STAM2: variants seen among roughly 807,000 people sequenced by gnomAD.
STAM2 encodes the protein signal transducing adapter molecule 2.
STAM2 carries 51 observed loss-of-function variants against 65.6 expected under a neutral mutation model. The ratio of observed to expected loss-of-function variants is 0.78; its 90% CI spans 0.62 to 0.98. STAM2 has a LOEUF of 0.98. Among genes scored for constraint, STAM2 ranks in the 50% least tolerant of loss-of-function variants. The probability of loss-of-function intolerance (pLI) is 0.00; values close to 1 mark genes in which losing one functional copy is unlikely to be tolerated. For synonymous variants in STAM2, 198 were observed against 208.4 expected, an observed-to-expected ratio of 0.95 and a Z score of 0.43; for missense variants, 584 against 617.8, an observed-to-expected ratio of 0.95 and a Z score of 0.58.
At chr2:152,128,471 C>A (rs886260102) in intron 11 of STAM2, among the ~76,000 whole-genome samples, 4 of 151,532 alleles carry the variant, frequency 2.6e-5, no homozygotes, top group African/African-American at 9.7e-5. Context: ...AAATTAGTGC[C>A]ATGCTAACAA....
At chr2:152,149,402 A>T (rs1475335784) in intron 2 of STAM2, among the ~76,000 whole-genome samples, 1 of 152,036 alleles carries the variant, frequency 6.6e-6, no homozygotes, top group African/African-American at 2.4e-5. Context: ...TGACCCTTTA[A>T]CTACATGAAA....
intron 11 of STAM2, among the ~76,000 whole-genome samples, chr2:152,129,614 T>C (rs1689021719): frequency 6.6e-6 from 1 of 152,208 alleles, no homozygotes; most frequent in East Asian, 1.9e-4. Context: ...GTAGAATGTG[T>C]GGACATACAC....
At chr2:152,162,876 C>T (rs192997598) in intron 1 of STAM2, among the ~76,000 whole-genome samples, 1 of 151,542 alleles carries the variant, frequency 6.6e-6, no homozygotes, top group Non-Finnish European at 1.5e-5. Flanking sequence ...ACACTGGTTT[C>T]GAACTCCTCC....
chr2:152,129,210 C>T (rs957175396), intron 11 of STAM2, among the ~76,000 whole-genome samples: 5 of 152,092 alleles, frequency 3.3e-5, no homozygotes, highest in African/African-American at 4.8e-5. Context: ...GTGGTGCAAC[C>T]GTGGCTCACT....
chr2:152,138,635 C>T (rs1162266319), intron 7 of STAM2, among the ~76,000 whole-genome samples: 1 of 152,136 alleles, frequency 6.6e-6, no homozygotes, highest in Non-Finnish European at 1.5e-5. Context: ...TATGAAACAT[C>T]ATTTCATTTA....
chr2:152,135,555 GA>G lies in STAM2; in HGVS notation c.752del (p.Phe251SerfsTer6). 1 of 1,612,768 alleles carries G rather than the reference GA, an allele frequency of 6.2e-7. No homozygotes were observed. The highest frequency in any genetic ancestry group is 8.5e-7 in the Non-Finnish European group (1 of 1,179,500). On this transcript the variant is annotated frameshift_variant, in exon 8 of 14. Transcript: ENST00000263904. LOFTEE classifies it high-confidence loss of function. The part of the protein sequence containing the change: ...KGENHRGIGL[F>X]PSNFVTTNLN... Reference sequence around the variant, plus strand: ...AATTAGTTGTTACAAAATTGGATGGGAAAAGTCCTATTCCTCTGTGATTTTC... The same window carrying G: ...AATTAGTTGTTACAAAATTGGATGGGAAAGTCCTATTCCTCTGTGATTTTC...
At chr2:152,134,348 T>C (rs1029254253) in intron 8 of STAM2, among the ~76,000 whole-genome samples, 1 of 152,198 alleles carries the variant, frequency 6.6e-6, no homozygotes, top group Non-Finnish European at 1.5e-5. Context: ...TAGAATCCCC[T>C]GAGCATGATC....
chr2:152,120,280 G>T lies in STAM2; in HGVS notation c.*294C>A. 1 of 368,724 alleles carries T rather than the reference G, an allele frequency of 2.7e-6. No homozygotes were observed. The allele number at this position is 368,724 out of a possible 1,614,324, so 22.8% of individuals were successfully genotyped here. A position where few individuals can be genotyped will look rare whatever the true frequency, so the allele number is the denominator to read the frequency against. The stretch of plus-strand genomic sequence containing the variant: ...AAGTATCTCATACTGTTTGTCATAA[G>T]GCTACTTAATGAGTATCTAGATTTA... On this transcript the variant is annotated 3_prime_UTR_variant, in exon 14 of 14. Transcript: ENST00000263904.
At chr2:152,132,234 T>C (rs1331161590) in intron 10 of STAM2, 66 bp from the exon 11 acceptor site, 1 of 1,201,874 alleles carries the variant, frequency 8.3e-7, no homozygotes, top group Non-Finnish European at 1.2e-6. Flanking sequence ...TCAACAATTT[T>C]TAACAATATA....
At chr2:152,125,248 T>G (rs1688944209) in intron 12 of STAM2, among the ~76,000 whole-genome samples, 1 of 152,196 alleles carries the variant, frequency 6.6e-6, no homozygotes, top group Non-Finnish European at 1.5e-5. Context: ...GAAAAATCTT[T>G]CCTACCCTCC....
At chr2:152,166,861 T>C (rs1237739740) in intron 1 of STAM2, among the ~76,000 whole-genome samples, 1 of 152,168 alleles carries the variant, frequency 6.6e-6, no homozygotes, top group African/African-American at 2.4e-5. Context: ...AAAAAACTTT[T>C]AGTACAAATG....
intron 7 of STAM2, among the ~76,000 whole-genome samples, chr2:152,143,260 T>C (rs1328520286): frequency 1.3e-5 from 2 of 152,236 alleles, no homozygotes; most frequent in Non-Finnish European, 2.9e-5. Context: ...ACCAAATACA[T>C]CTGCAATCTG....
At chr2:152,155,347 G>C (rs994358441) in intron 1 of STAM2, among the ~76,000 whole-genome samples, 3 of 152,210 alleles carry the variant, frequency 2.0e-5, no homozygotes, top group African/African-American at 7.2e-5. Context: ...TGTGGACATA[G>C]TTTGGCTGAT....
intron 12 of STAM2, 124 bp from the exon 13 acceptor site, chr2:152,124,059 C>T: frequency 3.9e-6 from 3 of 760,730 alleles, no homozygotes; most frequent in Middle Eastern, 3.9e-4. Flanking sequence ...TCTGATTCTA[C>T]CAATCTATCC....
In STAM2 at chr2:152,119,284, C is replaced by G. The variant is rs1688806238; in HGVS notation, c.*1290G>C. ...ATCCCTACTGGTTTACTACCAAACTCTCACAGTTATATAGAATCTATTAGC... is the reference window on the plus strand; with the variant it reads ...ATCCCTACTGGTTTACTACCAAACTGTCACAGTTATATAGAATCTATTAGC... On this transcript the variant is annotated 3_prime_UTR_variant, in exon 14 of 14. Transcript: ENST00000263904. 1.3e-5 allele frequency: 2 copies of G among 152,140 alleles called. No homozygotes were observed. Among genetic ancestry groups the G allele is most frequent in the Admixed American group, 1.3e-4 (2 of 15,270 alleles). The allele number at this position is 152,140 out of a possible 1,614,324, so 9.4% of individuals were successfully genotyped here.
chr2:152,170,543 C>G (rs967716630), intron 1 of STAM2, among the ~76,000 whole-genome samples: 1 of 150,872 alleles, frequency 6.6e-6, no homozygotes, highest in Non-Finnish European at 1.5e-5. Flanking sequence ...TAAAAACTTT[C>G]AATACAGAGC....
Position 152,147,328 on chromosome 2 carries a change from G to A in STAM2, c.301-20C>T. 1 of 1,512,018 alleles carries A rather than the reference G, an allele frequency of 6.6e-7. No homozygotes were observed. The highest frequency in any genetic ancestry group is 2.4e-5 in the Admixed American group (1 of 41,538). 93.7% of individuals were successfully genotyped at this position (1,512,018 alleles called of 1,614,324 possible). A position where few individuals can be genotyped will look rare whatever the true frequency, so the allele number is the denominator to read the frequency against. ...ATGTGCCTTTTAAGGAAAAGGAAAGGAAAATAAACAAAAATCTACGGTTAA... is the reference window on the plus strand; with the variant it reads ...ATGTGCCTTTTAAGGAAAAGGAAAGAAAAATAAACAAAAATCTACGGTTAA... On this transcript the variant is annotated intron_variant, in intron 4 of 13. Coordinates refer to ENST00000263904, the MANE Select transcript of STAM2 (RefSeq NM_005843.6).
At chr2:152,175,532 C>T in intron 1 of STAM2, 71 bp downstream of exon 1, 2 of 1,595,082 alleles carry the variant, frequency 1.3e-6, no homozygotes, top group South Asian at 2.2e-5. Flanking sequence ...CGCTACCGCC[C>T]ACTTTCTAGC....
At chr2:152,120,843 C>T (rs762558059) in intron 13 of STAM2, 41 bp from the exon 14 acceptor site, 4 of 1,492,138 alleles carry the variant, frequency 2.7e-6, no homozygotes, top group South Asian at 1.1e-5. Flanking sequence ...ATTTACTTTG[C>T]AATATATAAG....
Sources: gnomAD v4.1 joint callset for allele counts (sites outside exome capture counted in the v4.1 genomes callset) on GRCh38, gnomAD v4.1.1 for gene constraint, MANE v1.5 for transcripts, NCBI Gene and HGNC (gene_info 2026-07-23, HGNC 2026-07-21) for gene names.